The following TUBGCP4 variants were observed in gnomAD, a reference collection of about 807,000 sequenced individuals.
TUBGCP4 encodes gamma-tubulin complex component 4.
In TUBGCP4, 54 loss-of-function variants were observed where a neutral mutation model predicts 91.6. The ratio of observed to expected loss-of-function variants is 0.59; its 90% CI spans 0.47 to 0.74. The LOEUF is 0.74. Among genes scored for constraint, TUBGCP4 ranks in the 30% least tolerant of loss-of-function variants. The pLI, the probability that TUBGCP4 is intolerant of heterozygous loss-of-function variation, is 0.00. For missense variants in TUBGCP4, 593 were observed against 800.9 expected (o/e 0.74, Z 3.13); for synonymous variants, 297 against 302.8 (o/e 0.98, Z 0.20).
chr15:43,379,492 A>C (rs982459493), intron 5 of TUBGCP4, among the ~76,000 whole-genome samples: 24 of 152,054 alleles, frequency 1.6e-4, no homozygotes, highest in African/African-American at 5.8e-4. Context: ...ATACAAAAAA[A>C]ATTAGCCAGG....
At chr15:43,377,322 G>A (rs2044220270) in intron 4 of TUBGCP4, among the ~76,000 whole-genome samples, 1 of 152,120 alleles carries the variant, frequency 6.6e-6, no homozygotes, top group Admixed American at 6.5e-5. Flanking sequence ...GCCAGCCTCA[G>A]AAATAGAAAC....
Position 43,408,870 on chromosome 15 carries a change from A to G in TUBGCP4, c.*3656A>G. 1 of 1,612,190 alleles carries G rather than the reference A, an allele frequency of 6.2e-7. No homozygotes were observed. The highest frequency in any genetic ancestry group is 8.5e-7 in the Non-Finnish European group (1 of 1,178,386). On this transcript the variant is annotated 3_prime_UTR_variant, in exon 18 of 18. Transcript: ENST00000564079. ...AAGCTTGCTGTCCTCCTGCCTATAC[A>G]ATTCTGGATGGGCTTCAAATACTTA...
chr15:43,393,454 T>C (rs2044516935), intron 9 of TUBGCP4, among the ~76,000 whole-genome samples: 1 of 151,898 alleles, frequency 6.6e-6, no homozygotes, highest in Non-Finnish European at 1.5e-5. Context: ...TTTAATTTTA[T>C]TATTATTATA....
rs2044268649 is a variant in TUBGCP4 at position 43,380,300 on chromosome 15, G to A, written c.521+137G>A. 4 of 768,842 alleles carry A rather than the reference G, an allele frequency of 5.2e-6. No homozygotes were observed. The South Asian group carries it at 5.3e-5, about 10-fold the overall frequency. The allele number at this position is 768,842 out of a possible 1,614,324, so 47.6% of individuals were successfully genotyped here. A position where few individuals can be genotyped will look rare whatever the true frequency, so the allele number is the denominator to read the frequency against. On this transcript the variant is annotated intron_variant, in intron 6 of 17. Transcript: ENST00000564079. ...AACCAGGATAGAAAAAGCTCCATGA[G>A]CAGAGGAGCCCATGTAACCTTTATT...
At chr15:43,382,690 T>C (rs1351625719) in intron 6 of TUBGCP4, among the ~76,000 whole-genome samples, 1 of 152,252 alleles carries the variant, frequency 6.6e-6, no homozygotes, top group African/African-American at 2.4e-5. Context: ...TTGGATCACT[T>C]GGCTTAGGTG....
At position 43,405,429 on chromosome 15, in the gene TUBGCP4, G is replaced by A. The variant is rs979454347; in HGVS notation, c.*215G>A. 5 of 601,058 alleles carry A rather than the reference G, an allele frequency of 8.3e-6. No homozygotes were observed. The Admixed American group carries it at 9.0e-5, about 11-fold the overall frequency. The allele number at this position is 601,058 out of a possible 1,614,324, so 37.2% of individuals were successfully genotyped here. Reference sequence around the variant, plus strand: ...GTCTCTCCCATCAAGGAGAACATGTGGCATCTCTGATCCTTTACATTGAGA... The same window carrying A: ...GTCTCTCCCATCAAGGAGAACATGTAGCATCTCTGATCCTTTACATTGAGA... On this transcript the variant is annotated 3_prime_UTR_variant, in exon 18 of 18. Coordinates refer to ENST00000564079, the MANE Select transcript of TUBGCP4 (RefSeq NM_014444.5).
At position 43,400,122 on chromosome 15, in the gene TUBGCP4, G is replaced by A; in HGVS notation, c.1497G>A (p.Met499Ile). 1.9e-6 allele frequency: 3 copies of A among 1,614,214 alleles called. No individual in the cohort carries two copies. The highest frequency in any genetic ancestry group is 2.5e-6 in the Non-Finnish European group (3 of 1,180,040). ...TGCAGCACTGCTGGGCCCTACAAAT[G>A]CAGCGCAAGCACCTCAAGTCGAACC... is the stretch of plus-strand genomic sequence containing the variant. ...AELQHCWALQ[M>I]QRKHLKSNQT... The change falls in exon 14 of 18, where the codon ATG becomes ATA. Residue 499 changes from methionine (M) to isoleucine (I), a missense_variant. Met to Ile is a conservative substitution (Grantham distance 10). Coordinates refer to ENST00000564079, the MANE Select transcript of TUBGCP4 (RefSeq NM_014444.5).
At chr15:43,401,571 G>T in intron 14 of TUBGCP4, 145 bp from the exon 15 acceptor site, 1 of 799,362 alleles carries the variant, frequency 1.3e-6, no homozygotes, top group Non-Finnish European at 2.0e-6. Flanking sequence ...GCAATATAAG[G>T]GTGTCTTTGG....
rs370419611 is a variant in TUBGCP4, at chr15:43,383,340, C to T, written c.559C>T (p.Leu187Phe). The T allele has an allele frequency of 6.2e-7, 1 of 1,614,206 alleles. No homozygotes were observed. The highest frequency in any genetic ancestry group is 8.5e-7 in the Non-Finnish European group (1 of 1,180,024). Residue 187 changes from leucine (L) to phenylalanine (F), a missense_variant, in exon 7 of 18, where the codon CTC becomes TTC. Leu to Phe is a conservative substitution (Grantham distance 22). Coordinates refer to ENST00000564079, the MANE Select transcript of TUBGCP4 (RefSeq NM_014444.5). Reference protein sequence around the residue: ...AVCHGVMYKQLSAWMLHGLLL... With the variant: ...AVCHGVMYKQFSAWMLHGLLL... ...TTGTCATGGGGTCATGTATAAACAG[C>T]TCTCAGCCTGGATGCTCCATGGACT...
intron 6 of TUBGCP4, among the ~76,000 whole-genome samples, chr15:43,381,892 C>T (rs2044290597): frequency 6.6e-6 from 1 of 152,078 alleles, no homozygotes; most frequent in Admixed American, 6.6e-5. Context: ...CACAGATACC[C>T]TAACACTTAA....
rs2045010214 is a variant in TUBGCP4, at chr15:43,408,695, C to T, written c.*3481C>T. 1.6e-5 allele frequency: 9 copies of T among 579,256 alleles called. No individual in the cohort carries two copies. The South Asian group carries it at 1.9e-4, about 12-fold the overall frequency. The allele number at this position is 579,256 out of a possible 1,614,324, so 35.9% of individuals were successfully genotyped here. A position where few individuals can be genotyped will look rare whatever the true frequency, so the allele number is the denominator to read the frequency against. On this transcript the variant is annotated 3_prime_UTR_variant, in exon 18 of 18. Coordinates refer to ENST00000564079, the MANE Select transcript of TUBGCP4 (RefSeq NM_014444.5). ...AATATTGAACCTATATACAAATCTT[C>T]ACACATTTGCAAAAGGTTCCTAGCC...
chr15:43,406,272 C>A lies in TUBGCP4; in HGVS notation c.*1058C>A. 1 of 204,956 alleles carries A rather than the reference C, an allele frequency of 4.9e-6. No homozygotes were observed. Among genetic ancestry groups the A allele is most frequent in the East Asian group, 1.3e-4 (1 of 7,846 alleles). The allele number at this position is 204,956 out of a possible 1,614,324, so 12.7% of individuals were successfully genotyped here. The stretch of plus-strand genomic sequence containing the variant: ...TATTCACTGAACAACGCCCTCCAAA[C>A]TGAAAAAGAATGCAGTGTTCTGGCA... On this transcript the variant is annotated 3_prime_UTR_variant, in exon 18 of 18. Transcript: ENST00000564079.
At chr15:43,400,915 C>T (rs1490556317) in intron 14 of TUBGCP4, among the ~76,000 whole-genome samples, 3 of 150,786 alleles carry the variant, frequency 2.0e-5, no homozygotes, top group Admixed American at 2.0e-4. Flanking sequence ...GAGACTCCGT[C>T]TCCAAAAAAA....
chr15:43,400,253 G>A, intron 14 of TUBGCP4, 32 bp downstream of exon 14: 2 of 1,594,908 alleles, frequency 1.3e-6, no homozygotes, highest in Non-Finnish European at 1.7e-6. Flanking sequence ...GAAGGAAGGG[G>A]TACGGAAAAA....
chr15:43,408,638 TA>T lies in TUBGCP4; in HGVS notation c.*3428del. ...AGCCTATATATTTTTAATGCTTGCT[TA>T]AAACTTAGTTCTCTGACTTTACAGG... is the stretch of plus-strand genomic sequence containing the variant. On this transcript the variant is annotated 3_prime_UTR_variant, in exon 18 of 18. Transcript: ENST00000564079. 2 of 464,862 alleles carry T rather than the reference TA, an allele frequency of 4.3e-6. No homozygotes were observed. The highest frequency in any genetic ancestry group is 7.8e-6 in the Non-Finnish European group (2 of 254,820). The allele number at this position is 464,862 out of a possible 1,614,324, so 28.8% of individuals were successfully genotyped here. A position where few individuals can be genotyped will look rare whatever the true frequency, so the allele number is the denominator to read the frequency against.
At chr15:43,404,015 A>G in intron 16 of TUBGCP4, 1 of 561,540 alleles carries the variant, frequency 1.8e-6, no homozygotes, top group Non-Finnish European at 3.2e-6. Flanking sequence ...AGTCCTGAAT[A>G]GTTTATTCAG....
Position 43,405,404 on chromosome 15 carries a change from G to A in TUBGCP4, c.*190G>A. ...CTTCCCATCATTCCCATGTGGAAGG[G>A]TCTCTCCCATCAAGGAGAACATGTG... On this transcript the variant is annotated 3_prime_UTR_variant, in exon 18 of 18. Coordinates refer to ENST00000564079, the MANE Select transcript of TUBGCP4 (RefSeq NM_014444.5). 1 of 630,698 alleles carries A rather than the reference G, an allele frequency of 1.6e-6. No individual in the cohort carries two copies. The highest frequency in any genetic ancestry group is 2.8e-6 in the Non-Finnish European group (1 of 357,568). 39.1% of individuals were successfully genotyped at this position (630,698 alleles called of 1,614,324 possible).
chr15:43,385,312 A>G, intron 7 of TUBGCP4: 1 of 455,118 alleles, frequency 2.2e-6, no homozygotes, highest in Non-Finnish European at 4.4e-6. Flanking sequence ...CATAGCTTTT[A>G]TGATTGCAGA....
At chr15:43,381,646 T>C (rs1379934890) in intron 6 of TUBGCP4, among the ~76,000 whole-genome samples, 1 of 152,060 alleles carries the variant, frequency 6.6e-6, no homozygotes, top group African/African-American at 2.4e-5. Flanking sequence ...GCAGAAGGAT[T>C]GCTTTAGCCC....
Sources: gnomAD v4.1 joint callset for allele counts (sites outside exome capture counted in the v4.1 genomes callset) on GRCh38, gnomAD v4.1.1 for gene constraint, MANE v1.5 for transcripts, NCBI Gene and HGNC (gene_info 2026-07-23, HGNC 2026-07-21) for gene names.